Variants in HIP1 observed in about 807,000 individuals in gnomAD.
The protein encoded by HIP1 is huntingtin interacting protein 1.
A neutral mutation model predicts 147.6 loss-of-function variants in HIP1; 65 were observed. That is an observed-to-expected ratio of 0.44 (90% CI 0.36 to 0.54). The LOEUF is 0.54. Ranked by LOEUF, HIP1 falls within the 20% of genes least tolerant of loss-of-function variation. HIP1 has a pLI of 0.00. For synonymous variants in HIP1, 479 were observed against 504.0 expected, an observed-to-expected ratio of 0.95 and a Z score of 0.67; for missense variants, 1,061 against 1,299.6, an observed-to-expected ratio of 0.82 and a Z score of 2.82.
intron 1 of HIP1, among the ~76,000 whole-genome samples, chr7:75,685,784 G>A (rs1800241483): frequency 6.6e-6 from 1 of 151,914 alleles, no homozygotes; most frequent in Non-Finnish European, 1.5e-5. Context: ...CCTGACCTCA[G>A]GTGATCTGCC....
intron 4 of HIP1, among the ~76,000 whole-genome samples, chr7:75,590,712 G>A (rs1445679856): frequency 6.6e-6 from 1 of 152,172 alleles, no homozygotes; most frequent in East Asian, 1.9e-4. Context: ...AAAGTAAAAA[G>A]ATGGAGAAAT....
At chr7:75,659,234 C>T (rs1249567544) in intron 1 of HIP1, among the ~76,000 whole-genome samples, 1 of 152,214 alleles carries the variant, frequency 6.6e-6, no homozygotes, top group African/African-American at 2.4e-5. Flanking sequence ...TAGCATCCCC[C>T]ACGCTGGTGC....
chr7:75,542,549 A>G (rs1476873502), intron 28 of HIP1, among the ~76,000 whole-genome samples: 1 of 151,656 alleles, frequency 6.6e-6, no homozygotes, highest in African/African-American at 2.4e-5. Context: ...AAATACAAAA[A>G]TTAGCCAGGC....
chr7:75,698,715 T>C (rs1554518959), intron 1 of HIP1, among the ~76,000 whole-genome samples: 6 of 151,494 alleles, frequency 4.0e-5, no homozygotes, highest in Admixed American at 6.6e-5. Flanking sequence ...AGCTATTCAG[T>C]AGGCTGAGGG....
At chr7:75,628,277 A>C (rs782279436) in intron 1 of HIP1, among the ~76,000 whole-genome samples, 2 of 152,254 alleles carry the variant, frequency 1.3e-5, no homozygotes, top group South Asian at 4.1e-4. Flanking sequence ...CATATGGAAG[A>C]CACTCTATAA....
chr7:75,585,527 T>G (rs1796230361), intron 5 of HIP1, among the ~76,000 whole-genome samples: 1 of 151,814 alleles, frequency 6.6e-6, no homozygotes, highest in South Asian at 2.1e-4. Context: ...TCATGACACC[T>G]TTACCAGAGC....
chr7:75,631,895 T>C (rs7782426), intron 1 of HIP1, among the ~76,000 whole-genome samples: 3,105 of 151,202 alleles, frequency 0.021, 114 homozygotes, highest in African/African-American at 0.073. Context: ...GTGGGGGAGA[T>C]TGGAGTAGGG....
intron 22 of HIP1, among the ~76,000 whole-genome samples, chr7:75,551,232 C>G (rs1167805): frequency 0.39 from 46,231 of 117,196 alleles, 9,163 homozygotes; most frequent in Middle Eastern, 0.46. Context: ...GTGTCTCACT[C>G]TGTCGCCCAG....
rs534510420 is a variant in HIP1 at position 75,663,436 on chromosome 7, C to T, written c.121-64189G>A. The stretch of plus-strand genomic sequence containing the variant: ...CTATGATTGCACCACTGCACTCCAG[C>T]CTGGGTGACAGAGTGTGTCATCCTG... On this transcript the variant is annotated intron_variant, in intron 1 of 30. Transcript: ENST00000336926. Among the ~76,000 whole-genome samples the T allele has an allele frequency of 5.9e-5, 9 of 152,200 alleles. No homozygotes were observed. In the East Asian group the frequency reaches 1.2e-3, roughly 20 times the overall value.
At chr7:75,703,910 C>G (rs1433807427) in intron 1 of HIP1, among the ~76,000 whole-genome samples, 1 of 152,154 alleles carries the variant, frequency 6.6e-6, no homozygotes, top group African/African-American at 2.4e-5. Context: ...AACTGAGCTC[C>G]TGGCCAGAGC....
Position 75,544,797 on chromosome 7 carries a change from A to C in HIP1, c.2664T>G (p.Asp888Glu). Reference protein sequence around the residue: ...AVGWGATVMVDAADLVVQGRG... With the variant: ...AVGWGATVMVEAADLVVQGRG... The stretch of plus-strand genomic sequence containing the variant: ...TGCCTTGTACCACCAGATCAGCTGC[A>C]TCCCTGATGGAAAACGACAAGAGGG... The change falls in exon 27 of 31, where the codon GAT becomes GAG. Residue 888 changes from aspartate (D) to glutamate (E), a missense_variant. By Grantham distance (45) the Asp-to-Glu change is conservative (BLOSUM62 2). Around this residue, in one of 3 missense-constraint regions of HIP1, gnomAD observed 810 missense variants for 946.8 expected, o/e 0.86. Transcript: ENST00000336926. The C allele has an allele frequency of 1.2e-6, 2 of 1,602,626 alleles. No individual in the cohort carries two copies. The highest frequency in any genetic ancestry group is 1.7e-6 in the Non-Finnish European group (2 of 1,169,518).
chr7:75,660,667 T>C (rs1311042252), intron 1 of HIP1, among the ~76,000 whole-genome samples: 8 of 152,100 alleles, frequency 5.3e-5, no homozygotes, highest in Admixed American at 2.6e-4. Flanking sequence ...AGACGAATAA[T>C]GTTTGGGGCA....
At chr7:75,564,613 G>T (rs1340425472) in intron 9 of HIP1, among the ~76,000 whole-genome samples, 2 of 150,714 alleles carry the variant, frequency 1.3e-5, no homozygotes, top group Admixed American at 6.6e-5. Flanking sequence ...ATATTTTTTT[G>T]AGATTGGGTC....
rs1447046052 is a variant in HIP1 at position 75,640,752 on chromosome 7, C to CAAA, written c.121-41506_121-41505insTTT. ...TGGATGACAGAAGGAGACTCCATCT[C>CAAA]AATAATAATAATAATAATAATAATA... On this transcript the variant is annotated intron_variant, in intron 1 of 30. Transcript: ENST00000336926. Among the ~76,000 whole-genome samples, 588 of 85,010 alleles carry CAAA rather than the reference C, an allele frequency of 6.9e-3. 6 individuals carry two copies. Among genetic ancestry groups the CAAA allele is most frequent in the African/African-American group, 0.019 (399 of 21,476 alleles). The allele number at this position is 85,010 out of a possible 152,430, so 55.8% of individuals were successfully genotyped here.
In HIP1 at chr7:75,544,711, A is replaced by G. The variant is rs781815748; in HGVS notation, c.2750T>C (p.Leu917Pro). ...SHEIAASTAQLVAASKVKADK... is the reference protein window; with the variant it reads ...SHEIAASTAQPVAASKVKADK... ...AGGTCCTACCTTGGATGCAGCCACA[A>G]GCTGGGCTGTGCTAGCAGCAATTTC... The change falls in exon 27 of 31, where the codon CTT becomes CCT. Residue 917 changes from leucine to proline, a missense_variant. By Grantham distance (98) the Leu-to-Pro change is moderately conservative. This residue lies in a region of HIP1 where 810 missense variants were observed against 946.8 expected (regional missense o/e 0.86). Coordinates refer to ENST00000336926, the MANE Select transcript of HIP1 (RefSeq NM_005338.7). 6.2e-7 allele frequency: 1 copy of G among 1,612,074 alleles called. No individual in the cohort carries two copies. The highest frequency in any genetic ancestry group is 8.5e-7 in the Non-Finnish European group (1 of 1,178,096).
At chr7:75,718,428 G>A (rs1554520803) in intron 1 of HIP1, among the ~76,000 whole-genome samples, 1 of 152,094 alleles carries the variant, frequency 6.6e-6, no homozygotes. Flanking sequence ...GTTGGAGAAG[G>A]AGAAAAAGGC....
chr7:75,544,695 CTT>C lies in HIP1; in HGVS notation c.2764_2765del (p.Lys922GlyfsTer4). On this transcript the variant is annotated frameshift_variant and splice_region_variant, in exon 27 of 31. Transcript: ENST00000336926. LOFTEE classifies it high-confidence loss of function. ...ASTAQLVAAS[K>X]VKADKDSPNL... The stretch of plus-strand genomic sequence containing the variant: ...CCTAGGAGGTCCAGCCAGGTCCTAC[CTT>C]GGATGCAGCCACAAGCTGGGCTGTG... The C allele has an allele frequency of 6.2e-7, 1 of 1,602,060 alleles. No individual in the cohort carries two copies.
intron 1 of HIP1, among the ~76,000 whole-genome samples, chr7:75,725,824 A>AT (rs60855107): frequency 0.016 from 2,117 of 136,504 alleles, 99 homozygotes; most frequent in African/African-American, 0.048. Flanking sequence ...TGTGCTATGC[A>AT]TTTTTTTTTT....
chr7:75,624,490 T>C (rs1381815166), intron 1 of HIP1, among the ~76,000 whole-genome samples: 3 of 151,086 alleles, frequency 2.0e-5, no homozygotes, highest in African/African-American at 7.3e-5. Context: ...CGTGGGGGAG[T>C]CATCCAACAG....
Sources: gnomAD v4.1 joint callset for allele counts (sites outside exome capture counted in the v4.1 genomes callset) on GRCh38, gnomAD v4.1.1 for gene constraint, gnomAD v4.1.1 regional missense constraint, MANE v1.5 for transcripts, NCBI Gene and HGNC (gene_info 2026-07-23, HGNC 2026-07-21) for gene names.